The following CSMD1 variants were observed in gnomAD, a reference collection of about 807,000 sequenced individuals.
CSMD1 encodes CUB and Sushi multiple domains 1.
In CSMD1, 213 loss-of-function variants were observed where a neutral mutation model predicts 417.5. That is an observed-to-expected ratio of 0.51 (90% CI 0.46 to 0.57). The LOEUF is 0.57. CSMD1 is among the 20% of genes least tolerant of loss of function. The pLI, the probability that CSMD1 is intolerant of heterozygous loss-of-function variation, is 0.00. For synonymous variants in CSMD1, 2,862 were observed against 1,736.8 expected (o/e 1.65, Z -16.11); for missense variants, 6,923 against 4,529.7 (o/e 1.53, Z -15.17).
rs1013833482 is a variant in CSMD1, at chr8:3,110,011, A to G, written c.6608+147T>C. The G allele has an allele frequency of 2.4e-5, 16 of 674,994 alleles. No homozygotes were observed. In the South Asian group the frequency reaches 2.9e-4, roughly 12 times the overall value. 41.8% of individuals were successfully genotyped at this position (674,994 alleles called of 1,614,324 possible). A position where few individuals can be genotyped will look rare whatever the true frequency, so the allele number is the denominator to read the frequency against. On this transcript the variant is annotated intron_variant, in intron 43 of 69. Transcript: ENST00000635120. ...ATGTACTATGTGAAATTGATTCCCTATATCTCTGGATTTCGTTGGTGAATT... is the reference window on the plus strand; with the variant it reads ...ATGTACTATGTGAAATTGATTCCCTGTATCTCTGGATTTCGTTGGTGAATT...
chr8:3,783,433 T>A (rs1246563962), intron 5 of CSMD1, among the ~76,000 whole-genome samples: 2 of 152,162 alleles, frequency 1.3e-5, no homozygotes, highest in Non-Finnish European at 2.9e-5. Context: ...GGCGGCCCTA[T>A]GCTGATGGCA....
intron 3 of CSMD1, among the ~76,000 whole-genome samples, chr8:4,277,582 T>C (rs548751473): frequency 1.0e-3 from 156 of 152,312 alleles, no homozygotes; most frequent in Non-Finnish European, 1.4e-3. Context: ...TCTATACTCA[T>C]GAAAACAGCA....
At chr8:4,327,034 G>A (rs138239860) in intron 3 of CSMD1, among the ~76,000 whole-genome samples, 1 of 152,220 alleles carries the variant, frequency 6.6e-6, no homozygotes, top group Non-Finnish European at 1.5e-5. Flanking sequence ...GAAGGTCAGT[G>A]GTATGGATTC....
intron 2 of CSMD1, among the ~76,000 whole-genome samples, chr8:4,619,447 G>A (rs1468009033): frequency 6.6e-6 from 1 of 152,160 alleles, no homozygotes; most frequent in Non-Finnish European, 1.5e-5. Flanking sequence ...CGTTGTGACA[G>A]TAGCTAGTGT....
chr8:3,638,356 G>A (rs1253436600), intron 7 of CSMD1, among the ~76,000 whole-genome samples: 2 of 151,992 alleles, frequency 1.3e-5, no homozygotes, highest in South Asian at 2.1e-4. Context: ...GCTTCAGTGT[G>A]TCCCAAGAGG....
intron 3 of CSMD1, among the ~76,000 whole-genome samples, chr8:4,231,443 G>C (rs549002910): frequency 3.9e-5 from 6 of 152,200 alleles, no homozygotes; most frequent in South Asian, 2.1e-4. Context: ...GATAGGTGTA[G>C]AGATCAGACA....
At chr8:3,294,308 T>C (rs1803800242) in intron 25 of CSMD1, among the ~76,000 whole-genome samples, 1 of 152,146 alleles carries the variant, frequency 6.6e-6, no homozygotes. Context: ...TGTTCTGAGA[T>C]CTCAAGCTGT....
At chr8:3,798,378 T>G (rs1177239982) in intron 5 of CSMD1, among the ~76,000 whole-genome samples, 2 of 152,042 alleles carry the variant, frequency 1.3e-5, no homozygotes, top group African/African-American at 4.8e-5. Context: ...CTCTAGTTTT[T>G]TAATTGGGTC....
intron 1 of CSMD1, among the ~76,000 whole-genome samples, chr8:4,897,852 G>C (rs572505225): frequency 1.3e-5 from 2 of 152,220 alleles, no homozygotes; most frequent in East Asian, 3.9e-4. Context: ...GAAGAGAAAG[G>C]CAATCTAGAT....
At chr8:4,082,671 A>T (rs13281903) in intron 3 of CSMD1, among the ~76,000 whole-genome samples, 15,864 of 150,902 alleles carry the variant, frequency 0.11, 924 homozygotes, top group Middle Eastern at 0.13. Flanking sequence ...TGTGCAGGTT[A>T]GTTACATATG....
chr8:4,543,514 C>A (rs1194701882), intron 2 of CSMD1, among the ~76,000 whole-genome samples: 1 of 151,948 alleles, frequency 6.6e-6, no homozygotes, highest in Non-Finnish European at 1.5e-5. Flanking sequence ...TCTGTATGGA[C>A]CACAGTTTAT....
intron 53 of CSMD1, among the ~76,000 whole-genome samples, chr8:2,998,775 C>A (rs1261117729): frequency 6.6e-6 from 1 of 152,202 alleles, no homozygotes; most frequent in Non-Finnish European, 1.5e-5. Flanking sequence ...CAGATAACAG[C>A]AAGACAGATC....
At chr8:4,910,824 G>A (rs966089856) in intron 1 of CSMD1, among the ~76,000 whole-genome samples, 4 of 152,292 alleles carry the variant, frequency 2.6e-5, no homozygotes, top group East Asian at 1.9e-4. Context: ...TCATTAGATA[G>A]TCATCAAACT....
intron 12 of CSMD1, among the ~76,000 whole-genome samples, chr8:3,425,701 G>T (rs1367482179): frequency 6.6e-6 from 1 of 152,016 alleles, no homozygotes; most frequent in African/African-American, 2.4e-5. Flanking sequence ...AGTGCATTCT[G>T]CCCTGAAGAA....
chr8:4,281,992 G>A (rs935144702), intron 3 of CSMD1, among the ~76,000 whole-genome samples: 4 of 152,208 alleles, frequency 2.6e-5, no homozygotes, highest in Non-Finnish European at 5.9e-5. Flanking sequence ...TTCAACTATA[G>A]CAAGGTGAAT....
intron 10 of CSMD1, among the ~76,000 whole-genome samples, chr8:3,493,945 C>G (rs984482049): frequency 2.0e-5 from 3 of 152,174 alleles, no homozygotes; most frequent in Admixed American, 6.5e-5. Context: ...TTACTCCCAA[C>G]TTATGTATTT....
At chr8:3,766,377 G>T (rs777906211) in intron 5 of CSMD1, among the ~76,000 whole-genome samples, 3 of 152,128 alleles carry the variant, frequency 2.0e-5, no homozygotes, top group Admixed American at 2.0e-4. Flanking sequence ...CCTGGAAAAC[G>T]AAACCTCCAA....
chr8:3,314,673 T>G (rs996844953), intron 23 of CSMD1, among the ~76,000 whole-genome samples: 1 of 152,198 alleles, frequency 6.6e-6, no homozygotes, highest in African/African-American at 2.4e-5. Context: ...CTCCAAACAT[T>G]CAGCTGATGA....
intron 3 of CSMD1, among the ~76,000 whole-genome samples, chr8:4,253,692 A>T (rs547642756): frequency 6.6e-6 from 1 of 152,232 alleles, no homozygotes; most frequent in East Asian, 1.9e-4. Flanking sequence ...CTGCAATATA[A>T]AATTTGCCAA....
Sources: gnomAD v4.1 joint callset for allele counts (sites outside exome capture counted in the v4.1 genomes callset) on GRCh38, gnomAD v4.1.1 for gene constraint, MANE v1.5 for transcripts, NCBI Gene and HGNC (gene_info 2026-07-23, HGNC 2026-07-21) for gene names.